NFASC: variants seen among roughly 807,000 people sequenced by gnomAD.
NFASC encodes neurofascin homolog.
Under a neutral mutation model 147.5 loss-of-function variants are expected in NFASC, and 43 were observed. That is an observed-to-expected ratio of 0.29 (90% CI 0.23 to 0.38). NFASC has a LOEUF of 0.38. NFASC is among the 10% of genes least tolerant of loss of function. The pLI, the probability that NFASC is intolerant of heterozygous loss-of-function variation, is 1.00. For synonymous variants in NFASC, 622 were observed against 665.5 expected (o/e 0.93, Z 1.01); for missense variants, 1,320 against 1,689.0 (o/e 0.78, Z 3.83).
At position 204,968,634 on chromosome 1, in the gene NFASC, G is replaced by C. The variant is rs530434682; in HGVS notation, c.819-164G>C. On this transcript the variant is annotated intron_variant, in intron 9 of 29. Transcript: ENST00000339876. This position sits in a 1 kb window ranked among gnomAD's most constrained non-coding sequence, Gnocchi z 5.4. ...CCTTAGCTAAGCCTTCAGGCTCTCTGTGGCTGAGCATCCTCCTCTGCACAG... is the reference window on the plus strand; with the variant it reads ...CCTTAGCTAAGCCTTCAGGCTCTCTCTGGCTGAGCATCCTCCTCTGCACAG... 635 of 665,118 alleles carry C rather than the reference G, an allele frequency of 9.5e-4. No individual in the cohort carries two copies. The highest frequency in any genetic ancestry group is 1.4e-3 in the Non-Finnish European group (538 of 394,602). The allele number at this position is 665,118 out of a possible 1,614,324, so 41.2% of individuals were successfully genotyped here.
chr1:204,973,571 T>C (rs2095320783), intron 12 of NFASC, 152 bp downstream of exon 12: 1 of 969,418 alleles, frequency 1.0e-6, no homozygotes, highest in East Asian at 2.7e-5. Flanking sequence ...AACATGGAGA[T>C]GGGAAAAAAT....
In NFASC at chr1:204,987,455, C is replaced by T; in HGVS notation, c.2508C>T (p.Pro836=). 2 of 1,614,120 alleles carry T rather than the reference C, an allele frequency of 1.2e-6. No homozygotes were observed. The highest frequency in any genetic ancestry group is 1.7e-6 in the Non-Finnish European group (2 of 1,179,982). The change falls in exon 22 of 30, where the codon CCC becomes CCT. Residue 836 remains proline (P), a synonymous_variant. Coordinates refer to ENST00000339876, the MANE Select transcript of NFASC (RefSeq NM_001005388.3). This position sits in a 1 kb window ranked among gnomAD's most constrained non-coding sequence, Gnocchi z 4.4. ...CTAGGCGTTTCCGAGTCCGGCAGCC[C>T]AACCTGGAGACAATCAACCTGGAAT... ...SAPRRFRVRQ[P]NLETINLEWD...
rs1338533267 is a variant in NFASC at position 204,954,362 on chromosome 1, T to C, written c.390T>C (p.Asn130=). 2 of 1,614,042 alleles carry C rather than the reference T, an allele frequency of 1.2e-6. No individual in the cohort carries two copies. The highest frequency in any genetic ancestry group is 2.2e-5 in the South Asian group (2 of 91,064). Reference sequence around the variant, plus strand: ...ACAAATTTGGCACGGCCCTGTCCAATAGGATCCGCCTGCAGGTGTCTAGTG... The same window carrying C: ...ACAAATTTGGCACGGCCCTGTCCAACAGGATCCGCCTGCAGGTGTCTAGTG... ...ARNKFGTALS[N]RIRLQVSKSP... Residue 130 remains asparagine (N), a synonymous_variant, in exon 6 of 30, where the codon AAT becomes AAC. Coordinates refer to ENST00000339876, the MANE Select transcript of NFASC (RefSeq NM_001005388.3). The surrounding 1 kb of genome is among the most constrained non-coding windows in gnomAD (Gnocchi z 5.7).
chr1:204,978,930 C>T (rs2095462623), intron 17 of NFASC, 38 bp from the exon 18 acceptor site: 3 of 1,491,700 alleles, frequency 2.0e-6, no homozygotes, highest in East Asian at 2.5e-5. Context: ...TGGACCTGCT[C>T]TAACTCAGGA....
chr1:204,882,815 G>A (rs7543425), intron 1 of NFASC, among the ~76,000 whole-genome samples: 10,634 of 152,116 alleles, frequency 0.07, 1,059 homozygotes, highest in East Asian at 0.21. Context: ...CTTCTCTTTT[G>A]CAATTCTAAT....
At chr1:204,836,375 T>C (rs1180172694) in intron 1 of NFASC, among the ~76,000 whole-genome samples, 1 of 152,218 alleles carries the variant, frequency 6.6e-6, no homozygotes, top group Non-Finnish European at 1.5e-5. Context: ...TGAGGAGGTA[T>C]TATAGCTATC....
chr1:204,879,405 G>A (rs149733057), intron 1 of NFASC, among the ~76,000 whole-genome samples: 1 of 152,336 alleles, frequency 6.6e-6, no homozygotes, highest in East Asian at 1.9e-4. Flanking sequence ...ACAAACCAGG[G>A]CTTGGGGGCG....
chr1:205,016,804 C>T lies in NFASC; in HGVS notation c.*265C>T, dbSNP rs147248983. On this transcript the variant is annotated 3_prime_UTR_variant, in exon 30 of 30. Coordinates refer to ENST00000339876, the MANE Select transcript of NFASC (RefSeq NM_001005388.3). The surrounding 1 kb of genome is among the most constrained non-coding windows in gnomAD (Gnocchi z 5.1). ...GCTGGAGGGAGCCTGGCCCCTTGCC[C>T]GGTCTCGCAGCCACCCCGAGCGTTC... is the stretch of plus-strand genomic sequence containing the variant. 2.5e-4 allele frequency: 133 copies of T among 539,478 alleles called. 2 individuals are homozygous for T. The highest frequency in any genetic ancestry group is 2.1e-3 in the African/African-American group (109 of 53,010). The allele number at this position is 539,478 out of a possible 1,614,324, so 33.4% of individuals were successfully genotyped here.
intron 1 of NFASC, among the ~76,000 whole-genome samples, chr1:204,850,643 G>A (rs533652632): frequency 6.6e-6 from 1 of 152,276 alleles, no homozygotes; most frequent in Non-Finnish European, 1.5e-5. Context: ...TCCTTTGTGC[G>A]CTCTGTCTCC....
At chr1:204,963,394 A>C (rs2094787472) in intron 8 of NFASC, among the ~76,000 whole-genome samples, 1 of 152,232 alleles carries the variant, frequency 6.6e-6, no homozygotes, top group Admixed American at 6.5e-5. Context: ...TGTTATAGGA[A>C]GTATTCTGTA....
At chr1:204,851,183 C>T (rs1399510896) in intron 1 of NFASC, among the ~76,000 whole-genome samples, 1 of 152,060 alleles carries the variant, frequency 6.6e-6, no homozygotes, top group Non-Finnish European at 1.5e-5. Flanking sequence ...GACAAAGCAC[C>T]AAGTGTATGA....
chr1:204,847,999 C>T lies in NFASC; in HGVS notation c.-200+19217C>T, dbSNP rs376376036. Among the ~76,000 whole-genome samples the T allele has an allele frequency of 6.6e-5, 10 of 152,272 alleles. No homozygotes were observed. In the South Asian group the frequency reaches 1.5e-3, roughly 22 times the overall value. The stretch of plus-strand genomic sequence containing the variant: ...GTTTGGGGTGGCAGTAGGGAACTCA[C>T]CTCTGGCTCTGCTTTTGTCTTCCCA... On this transcript the variant is annotated intron_variant, in intron 1 of 29. Coordinates refer to ENST00000339876, the MANE Select transcript of NFASC (RefSeq NM_001005388.3).
intron 1 of NFASC, among the ~76,000 whole-genome samples, chr1:204,902,128 TACA>T (rs2084767512): frequency 6.6e-6 from 1 of 152,140 alleles, no homozygotes; most frequent in South Asian, 2.1e-4. Context: ...ACCCCGTCTC[TACA>T]ACAAGTTTTA....
intron 1 of NFASC, among the ~76,000 whole-genome samples, chr1:204,898,122 G>T (rs976257699): frequency 2.6e-5 from 4 of 152,178 alleles, no homozygotes; most frequent in African/African-American, 4.8e-5. Flanking sequence ...GGTTCAAGCA[G>T]TCTTCCCACC....
At chr1:204,844,082 A>G (rs1004189126) in intron 1 of NFASC, among the ~76,000 whole-genome samples, 3 of 152,136 alleles carry the variant, frequency 2.0e-5, no homozygotes, top group Non-Finnish European at 2.9e-5. Context: ...GCCAGAGTGC[A>G]TGCATCTGGT....
At chr1:204,972,823 C>T (rs2095298957) in intron 11 of NFASC, among the ~76,000 whole-genome samples, 1 of 152,128 alleles carries the variant, frequency 6.6e-6, no homozygotes. Context: ...TGTGTTAGAC[C>T]TTCTGTTCAT....
rs534001349 is a variant in NFASC at position 204,981,904 on chromosome 1, G to A, written c.2354G>A (p.Arg785His). The change falls in exon 21 of 30, where the codon CGC (arginine) becomes CAC (histidine). Residue 785 changes from arginine to histidine, a missense_variant. This residue lies in a region of NFASC where 981 missense variants were observed against 1,289.5 expected (regional missense o/e 0.76). Coordinates refer to ENST00000339876, the MANE Select transcript of NFASC (RefSeq NM_001005388.3). ...AWNNVTVWGS[R>H]YVVGQTPVYV... is the part of the protein sequence containing the mutation. Reference sequence around the variant, plus strand: ...AACAACGTCACAGTGTGGGGCTCTCGCTACGTGGTGGGGCAGACCCCAGTC... The same window carrying A: ...AACAACGTCACAGTGTGGGGCTCTCACTACGTGGTGGGGCAGACCCCAGTC... 10 of 1,608,530 alleles carry A rather than the reference G, an allele frequency of 6.2e-6. No homozygotes were observed. The highest frequency in any genetic ancestry group is 5.3e-5 in the African/African-American group (4 of 74,830).
Position 204,957,709 on chromosome 1 carries a change from C to G in NFASC, c.589C>G (p.Leu197Val). ...KRVSQGHNGD[L>V]YFSNVMLQDM... ...TGTCTCTCAGGGCCATAACGGAGACCTATACTTCTCCAACGTGATGCTGCA... is the reference window on the plus strand; with the variant it reads ...TGTCTCTCAGGGCCATAACGGAGACGTATACTTCTCCAACGTGATGCTGCA... The change falls in exon 8 of 30, where the codon CTA (leucine) becomes GTA (valine). Residue 197 changes from leucine to valine, a missense_variant. Around this residue, in one of 3 missense-constraint regions of NFASC, gnomAD observed 981 missense variants for 1,289.5 expected, o/e 0.76. Coordinates refer to ENST00000339876, the MANE Select transcript of NFASC (RefSeq NM_001005388.3). 1 of 1,614,052 alleles carries G rather than the reference C, an allele frequency of 6.2e-7. No individual in the cohort carries two copies. Among genetic ancestry groups the G allele is most frequent in the Non-Finnish European group, 8.5e-7 (1 of 1,179,918 alleles).
chr1:204,894,310 A>G (rs544364057), intron 1 of NFASC, among the ~76,000 whole-genome samples: 18 of 152,322 alleles, frequency 1.2e-4, no homozygotes, highest in Admixed American at 2.6e-4. Context: ...TAGCCAAATC[A>G]TGTCTTATCC....
Sources: allele counts gnomAD v4.1 joint callset (sites outside exome capture counted in the v4.1 genomes callset), GRCh38; gene constraint gnomAD v4.1.1; regional missense constraint gnomAD v4.1.1; non-coding constraint Gnocchi (gnomAD v3.1); transcripts MANE v1.5; gene names NCBI Gene and HGNC (gene_info 2026-07-23, HGNC 2026-07-21).